DPF3: variants seen among roughly 807,000 people sequenced by gnomAD.
The protein encoded by DPF3 is double PHD fingers 3.
In DPF3, 18 loss-of-function variants were observed where a neutral mutation model predicts 56.8. That is an observed-to-expected ratio of 0.32 (90% confidence interval 0.22 to 0.47). The LOEUF (loss-of-function observed/expected upper bound fraction) is 0.47. Ranked by LOEUF, DPF3 falls within the 20% of genes least tolerant of loss-of-function variation. The pLI is 1.00. For synonymous variants in DPF3, 188 were observed against 180.2 expected (o/e 1.04, Z -0.35); for missense variants, 403 against 488.8 (o/e 0.82, Z 1.65).
chr14:72,790,675 AC>A (rs1353357451), intron 1 of DPF3, among the ~76,000 whole-genome samples: 1 of 152,010 alleles, frequency 6.6e-6, no homozygotes, highest in African/African-American at 2.4e-5. Context: ...GTAAGACTTA[AC>A]CCCCATTCTG....
chr14:72,683,337 A>AC (rs1475886342), intron 7 of DPF3, among the ~76,000 whole-genome samples: 7 of 150,042 alleles, frequency 4.7e-5, no homozygotes, highest in Non-Finnish European at 1.0e-4. Context: ...AAAAAAAAAA[A>AC]AAAAAAAAGC....
At position 72,723,838 on chromosome 14, in the gene DPF3, G is replaced by C. The variant is rs75884495; in HGVS notation, c.430-110C>G. 3.2e-3 allele frequency: 3,524 copies of C among 1,105,834 alleles called. 86 individuals are homozygous for C. The African/African-American group carries it at 0.048, about 15-fold the overall frequency. The allele number at this position is 1,105,834 out of a possible 1,614,324, so 68.5% of individuals were successfully genotyped here. A position where few individuals can be genotyped will look rare whatever the true frequency, so the allele number is the denominator to read the frequency against. On this transcript the variant is annotated intron_variant, in intron 4 of 10. Coordinates refer to ENST00000556509, the MANE Select transcript of DPF3 (RefSeq NM_001280542.3). ...ATTTGTTGTTATTTTTTAACAAAGT[G>C]AAGACGCTGCCTTTGCTTGGGCAGT...
At position 72,616,031 on chromosome 14, in the gene DPF3, G is replaced by A. The variant is rs1216391370; in HGVS notation, c.*3266C>T. On this transcript the variant is annotated 3_prime_UTR_variant, in exon 11 of 11. Transcript: ENST00000556509. ...AACCACATCATTATCTCCATTTGGT[G>A]GCCTCTGCAGAAAATGACAATAGCT... Among the ~76,000 whole-genome samples the A allele has an allele frequency of 1.3e-5, 2 of 152,154 alleles. No homozygotes were observed. The highest frequency in any genetic ancestry group is 4.8e-5 in the African/African-American group (2 of 41,430).
chr14:72,755,327 G>A (rs1890748448), intron 2 of DPF3, among the ~76,000 whole-genome samples: 1 of 152,160 alleles, frequency 6.6e-6, no homozygotes, highest in South Asian at 2.1e-4. Context: ...GAAGCCCCAG[G>A]CCACTCTGCT....
At chr14:72,878,637 T>C (rs1886207769) in intron 1 of DPF3, among the ~76,000 whole-genome samples, 1 of 152,172 alleles carries the variant, frequency 6.6e-6, no homozygotes, top group Non-Finnish European at 1.5e-5. Flanking sequence ...CACACACAGC[T>C]AAGCATAGAG....
At chr14:72,687,585 T>C (rs925408239) in intron 7 of DPF3, among the ~76,000 whole-genome samples, 1 of 152,160 alleles carries the variant, frequency 6.6e-6, no homozygotes, top group African/African-American at 2.4e-5. Flanking sequence ...AATCCAACAT[T>C]ACTATCAGAC....
At chr14:72,645,321 G>C (rs1223641332) in intron 8 of DPF3, among the ~76,000 whole-genome samples, 1 of 150,774 alleles carries the variant, frequency 6.6e-6, no homozygotes, top group African/African-American at 2.4e-5. Context: ...CAGAGATAGG[G>C]TTTCACTCTG....
intron 1 of DPF3, among the ~76,000 whole-genome samples, chr14:72,863,118 A>G (rs1348964959): frequency 6.9e-5 from 8 of 116,278 alleles, no homozygotes; most frequent in African/African-American, 1.9e-4. Context: ...GTATACATAT[A>G]TGTGTGTGTG....
chr14:72,736,878 T>G (rs1022596638), intron 3 of DPF3, among the ~76,000 whole-genome samples: 3 of 152,044 alleles, frequency 2.0e-5, no homozygotes, highest in Admixed American at 1.3e-4. Context: ...AACACACACA[T>G]AATTCATCTT....
At chr14:72,680,994 T>C (rs1004231672) in intron 7 of DPF3, among the ~76,000 whole-genome samples, 3 of 152,330 alleles carry the variant, frequency 2.0e-5, no homozygotes, top group African/African-American at 7.2e-5. Context: ...TGTTCTATAC[T>C]CATGTAAATG....
At chr14:72,716,796 G>A (rs921088677) in intron 5 of DPF3, among the ~76,000 whole-genome samples, 1 of 152,126 alleles carries the variant, frequency 6.6e-6, no homozygotes, top group Non-Finnish European at 1.5e-5. Context: ...AAATGTTATT[G>A]CTTCTTCCTC....
At chr14:72,761,229 T>C (rs1277108581) in intron 2 of DPF3, among the ~76,000 whole-genome samples, 1 of 152,252 alleles carries the variant, frequency 6.6e-6, no homozygotes, top group East Asian at 1.9e-4. Context: ...TTTGACCTAA[T>C]TGATATTTAT....
rs1888594628 is a variant in DPF3 at position 72,710,222 on chromosome 14, C to T, written c.604+4201G>A. ...TTCTAGCAGCCCAAACCCAAGGATT[C>T]CTTCCACCTGCCTGTCCCCAGTTAT... On this transcript the variant is annotated intron_variant, in intron 6 of 10. Coordinates refer to ENST00000556509, the MANE Select transcript of DPF3 (RefSeq NM_001280542.3). 2.6e-5 allele frequency among the ~76,000 whole-genome samples: 4 copies of T among 152,334 alleles called. No individual in the cohort carries two copies. In the South Asian group the frequency reaches 8.3e-4, roughly 32 times the overall value.
At chr14:72,640,180 A>C (rs2153567750) in intron 8 of DPF3, among the ~76,000 whole-genome samples, 1 of 152,132 alleles carries the variant, frequency 6.6e-6, no homozygotes, top group Middle Eastern at 3.4e-3. Flanking sequence ...GAAAAGAGGA[A>C]TTGCAGGAGA....
chr14:72,825,032 C>T (rs989618473), intron 1 of DPF3, among the ~76,000 whole-genome samples: 6 of 151,754 alleles, frequency 4.0e-5, no homozygotes, highest in African/African-American at 1.2e-4. Context: ...AGACTACAGG[C>T]GCATGCCACC....
At chr14:72,744,893 T>C (rs965480441) in intron 3 of DPF3, among the ~76,000 whole-genome samples, 3 of 152,140 alleles carry the variant, frequency 2.0e-5, no homozygotes, top group Non-Finnish European at 2.9e-5. Context: ...CAGTGGCCCC[T>C]CAGTCTCTTG....
chr14:72,778,696 C>T (rs939193889), intron 1 of DPF3, among the ~76,000 whole-genome samples: 20 of 152,146 alleles, frequency 1.3e-4, no homozygotes, highest in African/African-American at 4.6e-4. Flanking sequence ...CCAGTCTATG[C>T]CATTTTAATA....
In DPF3 at chr14:72,659,677, A is replaced by C. The variant is rs57822556; in HGVS notation, c.871+14563T>G. The stretch of plus-strand genomic sequence containing the variant: ...TCTAGAGAGTAAATTAGAGGGTGCA[A>C]TCGCTTCCCATGGAAGAAGATATTT... On this transcript the variant is annotated intron_variant, in intron 8 of 10. Coordinates refer to ENST00000556509, the MANE Select transcript of DPF3 (RefSeq NM_001280542.3). 6.7e-3 allele frequency among the ~76,000 whole-genome samples: 1,015 copies of C among 152,304 alleles called. 14 individuals are homozygous for C. Among genetic ancestry groups the C allele is most frequent in the African/African-American group, 0.023 (972 of 41,566 alleles).
At chr14:72,783,216 T>C (rs1277099782) in intron 1 of DPF3, among the ~76,000 whole-genome samples, 3 of 146,606 alleles carry the variant, frequency 2.0e-5, no homozygotes, top group African/African-American at 5.0e-5. Context: ...CTTTGCTATC[T>C]CATATACTTT....
Sources: gnomAD v4.1 joint callset for allele counts (sites outside exome capture counted in the v4.1 genomes callset) on GRCh38, gnomAD v4.1.1 for gene constraint, MANE v1.5 for transcripts, NCBI Gene and HGNC (gene_info 2026-07-23, HGNC 2026-07-21) for gene names.